RHBDD1: variants seen among roughly 807,000 people sequenced by gnomAD.
RHBDD1 encodes rhomboid-related protein 4.
A neutral mutation model predicts 36.3 loss-of-function variants in RHBDD1; 38 were observed. The ratio of observed to expected loss-of-function variants is 1.05; its 90% confidence interval spans 0.81 to 1.37. The LOEUF (loss-of-function observed/expected upper bound fraction) is 1.37, where lower values mean the gene tolerates loss of function less well. Among genes scored for constraint, RHBDD1 ranks in the 40% most tolerant of loss-of-function variants. RHBDD1 has a pLI of 0.00. For missense variants in RHBDD1, 393 were observed against 377.6 expected (o/e 1.04, Z -0.34); for synonymous variants, 151 against 136.5 (o/e 1.11, Z -0.74).
At chr2:226,956,107 G>A (rs1347683577) in intron 8 of RHBDD1, among the ~76,000 whole-genome samples, 2 of 152,164 alleles carry the variant, frequency 1.3e-5, no homozygotes, top group Admixed American at 6.5e-5. Context: ...TGATTAGTGA[G>A]TGGAATTCAA....
chr2:226,948,576 A>AT (rs1553580191), intron 8 of RHBDD1, among the ~76,000 whole-genome samples: 2,016 of 137,614 alleles, frequency 0.015, 59 homozygotes, highest in African/African-American at 0.053. Context: ...AAAAAAAAAA[A>AT]AAAAAAAAAC....
intron 3 of RHBDD1, among the ~76,000 whole-genome samples, chr2:226,856,600 G>C (rs1943349395): frequency 2.0e-5 from 3 of 152,156 alleles, no homozygotes; most frequent in Admixed American, 2.0e-4. Flanking sequence ...TAAGATTCCT[G>C]AGAGAGTTAC....
chr2:226,830,573 T>C, the RHBDD1 span, among the ~76,000 whole-genome samples: 1 of 152,226 alleles, frequency 6.6e-6, no homozygotes, highest in Non-Finnish European at 1.5e-5. Context: ...GATGCAATCA[T>C]AGCCCACTAG....
intron 8 of RHBDD1, among the ~76,000 whole-genome samples, chr2:226,929,842 C>T (rs1285363582): frequency 6.6e-6 from 1 of 151,976 alleles, no homozygotes; most frequent in Non-Finnish European, 1.5e-5. Flanking sequence ...CACTGCTACA[C>T]ACCAACAGCC....
chr2:226,859,985 T>C (rs1406792012), intron 3 of RHBDD1, among the ~76,000 whole-genome samples: 1 of 151,608 alleles, frequency 6.6e-6, no homozygotes, highest in Non-Finnish European at 1.5e-5. Flanking sequence ...GTAGTAGCCC[T>C]AGAGCTAGAA....
the RHBDD1 span, among the ~76,000 whole-genome samples, chr2:226,830,407 C>T: frequency 3.3e-5 from 5 of 152,146 alleles, no homozygotes; most frequent in African/African-American, 1.2e-4. Flanking sequence ...ACAAGCCACT[C>T]GATTTATGGA....
At chr2:226,921,643 C>G (rs1056112634) in intron 8 of RHBDD1, among the ~76,000 whole-genome samples, 1 of 152,068 alleles carries the variant, frequency 6.6e-6, no homozygotes, top group African/African-American at 2.4e-5. Flanking sequence ...GTCTAGTTTC[C>G]AAAATTCCTC....
chr2:226,906,651 A>G, intron 5 of RHBDD1, 142 bp from the exon 6 acceptor site: 1 of 1,512,502 alleles, frequency 6.6e-7, no homozygotes, highest in Non-Finnish European at 8.8e-7. Context: ...GACTGAGTTA[A>G]ATGCTGCTTA....
intron 5 of RHBDD1, among the ~76,000 whole-genome samples, chr2:226,893,970 C>T (rs1396131815): frequency 6.6e-6 from 1 of 152,112 alleles, no homozygotes; most frequent in Non-Finnish European, 1.5e-5. Context: ...TTTGGGGGGA[C>T]ATGGATTTAA....
chr2:226,874,125 C>G (rs1237186342), intron 5 of RHBDD1, among the ~76,000 whole-genome samples: 1 of 152,050 alleles, frequency 6.6e-6, no homozygotes, highest in Admixed American at 6.6e-5. Flanking sequence ...ACCCATGTTC[C>G]ACTCACCTCC....
At chr2:226,877,550 CTTTTTTT>C (rs80311532) in intron 5 of RHBDD1, among the ~76,000 whole-genome samples, 11 of 120,804 alleles carry the variant, frequency 9.1e-5, no homozygotes, top group Non-Finnish European at 1.4e-4. Context: ...AGCCATTTTC[CTTTTTTT>C]TTTTTTTTTT....
chr2:226,896,693 C>A (rs893983261), intron 5 of RHBDD1, among the ~76,000 whole-genome samples: 5 of 152,166 alleles, frequency 3.3e-5, no homozygotes, highest in Non-Finnish European at 7.3e-5. Context: ...GAAAACAACT[C>A]AAGTTCTTTA....
chr2:226,873,623 C>T (rs1574901558), intron 5 of RHBDD1, among the ~76,000 whole-genome samples: 1 of 152,030 alleles, frequency 6.6e-6, no homozygotes, highest in Non-Finnish European at 1.5e-5. Context: ...AGCTGAAGAG[C>T]CTTGTAGACT....
intron 3 of RHBDD1, among the ~76,000 whole-genome samples, chr2:226,842,075 C>T (rs1480810280): frequency 6.6e-6 from 1 of 152,044 alleles, no homozygotes; most frequent in Non-Finnish European, 1.5e-5. Context: ...TCATATGTTT[C>T]ATGGCTGCAT....
chr2:226,866,749 G>A (rs1377224008), intron 4 of RHBDD1, among the ~76,000 whole-genome samples: 1 of 152,092 alleles, frequency 6.6e-6, no homozygotes, highest in East Asian at 1.9e-4. Context: ...CTTCCAAGAT[G>A]TATCCTTATG....
the RHBDD1 span, among the ~76,000 whole-genome samples, chr2:226,817,141 A>G: frequency 6.6e-6 from 1 of 152,200 alleles, no homozygotes; most frequent in Non-Finnish European, 1.5e-5. Flanking sequence ...GTAGGTGTGC[A>G]TAGTGAGCTA....
At chr2:226,858,888 A>G (rs922100359) in intron 3 of RHBDD1, among the ~76,000 whole-genome samples, 2 of 152,226 alleles carry the variant, frequency 1.3e-5, no homozygotes, top group African/African-American at 4.8e-5. Flanking sequence ...TTACATAATT[A>G]AAATGCTATT....
the RHBDD1 span, chr2:226,808,501 G>A: frequency 3.3e-5 from 5 of 152,260 alleles, no homozygotes; most frequent in Non-Finnish European, 7.3e-5. Context: ...CTGGAGCCTG[G>A]AATCATTTGA....
At chr2:226,942,728 T>A (rs998419904) in intron 8 of RHBDD1, among the ~76,000 whole-genome samples, 5 of 152,248 alleles carry the variant, frequency 3.3e-5, no homozygotes, top group African/African-American at 4.8e-5. Context: ...GGATTTTTTT[T>A]AATTTTTAAA....
Sources: gnomAD v4.1 joint callset for allele counts (sites outside exome capture counted in the v4.1 genomes callset) on GRCh38, gnomAD v4.1.1 for gene constraint, MANE v1.5 for transcripts, NCBI Gene and HGNC (gene_info 2026-07-23, HGNC 2026-07-21) for gene names.